Variants in EXOC4 observed in about 807,000 individuals in gnomAD.
The protein encoded by EXOC4 is SEC8-like 1.
Under a neutral mutation model 107.2 loss-of-function variants are expected in EXOC4, and 71 were observed. The observed-to-expected ratio is 0.66, with a 90% CI of 0.55 to 0.81. EXOC4 has a LOEUF of 0.81. EXOC4 is among the 30% of genes least tolerant of loss of function. EXOC4 has a pLI of 0.00. For missense variants in EXOC4, 1,108 were observed against 1,189.6 expected (o/e 0.93, Z 1.01); for synonymous variants, 456 against 441.2 (o/e 1.03, Z -0.42).
intron 10 of EXOC4, among the ~76,000 whole-genome samples, chr7:133,795,797 T>C (rs1454180065): frequency 2.0e-5 from 3 of 152,224 alleles, no homozygotes; most frequent in Non-Finnish European, 2.9e-5. Flanking sequence ...TGTAGTTTCT[T>C]AGAAGTAAAC....
At chr7:133,657,575 A>G (rs980191506) in intron 10 of EXOC4, among the ~76,000 whole-genome samples, 2 of 152,162 alleles carry the variant, frequency 1.3e-5, no homozygotes, top group East Asian at 1.9e-4. Flanking sequence ...TTGTACTGTT[A>G]TGTTAGAAAT....
intron 10 of EXOC4, among the ~76,000 whole-genome samples, chr7:133,681,680 G>C (rs764749713): frequency 3.3e-5 from 5 of 151,972 alleles, no homozygotes; most frequent in South Asian, 2.1e-4. Context: ...TTCAAGTTCA[G>C]ATTTGGGTGG....
intron 10 of EXOC4, among the ~76,000 whole-genome samples, chr7:133,677,133 T>G (rs1794080712): frequency 6.6e-6 from 1 of 152,118 alleles, no homozygotes; most frequent in Non-Finnish European, 1.5e-5. Flanking sequence ...AGAAAAAACT[T>G]AGTGGTTTAG....
chr7:133,816,747 A>G (rs898344777), intron 10 of EXOC4, among the ~76,000 whole-genome samples: 2 of 152,166 alleles, frequency 1.3e-5, no homozygotes, highest in East Asian at 1.9e-4. Context: ...GGAACATGCA[A>G]CCTAGATCCC....
intron 9 of EXOC4, among the ~76,000 whole-genome samples, chr7:133,530,147 C>T (rs1196699500): frequency 2.6e-5 from 4 of 152,080 alleles, no homozygotes; most frequent in African/African-American, 4.8e-5. Context: ...GCTACACTGC[C>T]GAGGAATGGC....
intron 10 of EXOC4, among the ~76,000 whole-genome samples, chr7:133,649,631 G>T (rs1803090580): frequency 6.6e-6 from 1 of 152,064 alleles, no homozygotes; most frequent in Non-Finnish European, 1.5e-5. Flanking sequence ...ACCACCTTCT[G>T]TGTCATTCCT....
rs576728850 is a variant in EXOC4 at position 133,871,262 on chromosome 7, A to C, written c.1735-24337A>C. Reference sequence around the variant, plus strand: ...TTCAGCAACATTTTTAAGTTCAGTGACATCTCGGTGGTAGCTTGAAACCAG... The same window carrying C: ...TTCAGCAACATTTTTAAGTTCAGTGCCATCTCGGTGGTAGCTTGAAACCAG... On this transcript the variant is annotated intron_variant, in intron 11 of 17. Transcript: ENST00000253861. 8.6e-5 allele frequency among the ~76,000 whole-genome samples: 13 copies of C among 151,518 alleles called. No individual in the cohort carries two copies. The East Asian group carries it at 2.5e-3, about 30-fold the overall frequency.
intron 9 of EXOC4, among the ~76,000 whole-genome samples, chr7:133,624,070 G>A (rs182702485): frequency 2.0e-5 from 3 of 152,242 alleles, no homozygotes; most frequent in African/African-American, 7.2e-5. Flanking sequence ...ATAATCCTTA[G>A]AAAGTAGTTA....
intron 9 of EXOC4, among the ~76,000 whole-genome samples, chr7:133,539,762 A>G (rs1800344200): frequency 6.6e-6 from 1 of 152,114 alleles, no homozygotes; most frequent in Non-Finnish European, 1.5e-5. Flanking sequence ...CTGTTTGAAG[A>G]TCCCATCATT....
chr7:133,457,163 A>G (rs1229230758), intron 7 of EXOC4, among the ~76,000 whole-genome samples: 1 of 152,216 alleles, frequency 6.6e-6, no homozygotes, highest in Non-Finnish European at 1.5e-5. Flanking sequence ...GGCTTTTCAG[A>G]ATAGTAGGAC....
Position 134,064,694 on chromosome 7 carries a change from T to C in EXOC4, c.*166T>C. 2.1e-6 allele frequency: 1 copy of C among 485,386 alleles called. No individual in the cohort carries two copies. The highest frequency in any genetic ancestry group is 3.6e-6 in the Non-Finnish European group (1 of 277,086). 30.1% of individuals were successfully genotyped at this position (485,386 alleles called of 1,614,324 possible). A position where few individuals can be genotyped will look rare whatever the true frequency, so the allele number is the denominator to read the frequency against. On this transcript the variant is annotated 3_prime_UTR_variant, in exon 18 of 18. Transcript: ENST00000253861. Reference sequence around the variant, plus strand: ...TGGTTTTGGCTTTTCATATAAATGCTAAAGGAAGGCGACAGTACAGAGTGT... The same window carrying C: ...TGGTTTTGGCTTTTCATATAAATGCCAAAGGAAGGCGACAGTACAGAGTGT...
intron 9 of EXOC4, among the ~76,000 whole-genome samples, chr7:133,596,061 T>G (rs766506500): frequency 6.6e-6 from 1 of 152,216 alleles, no homozygotes; most frequent in East Asian, 1.9e-4. Flanking sequence ...TATTCACATG[T>G]TTTCCGCTTC....
chr7:133,949,482 G>A (rs1261551665), intron 14 of EXOC4, among the ~76,000 whole-genome samples: 1 of 152,158 alleles, frequency 6.6e-6, no homozygotes, highest in Non-Finnish European at 1.5e-5. Flanking sequence ...TAGAAGCCAA[G>A]AATATCTGAT....
At chr7:133,732,904 G>T in intron 10 of EXOC4, 1 of 158,954 alleles carries the variant, frequency 6.3e-6, no homozygotes, top group South Asian at 1.7e-4. Context: ...CAGTAGTCTT[G>T]ACATCAACAT....
chr7:133,714,669 A>G (rs1394430501), intron 10 of EXOC4, among the ~76,000 whole-genome samples: 2 of 152,234 alleles, frequency 1.3e-5, no homozygotes, highest in African/African-American at 4.8e-5. Context: ...TTTACATTGT[A>G]TTAGGTATTG....
the EXOC4 span, among the ~76,000 whole-genome samples, chr7:134,088,716 G>A: frequency 3.2e-4 from 48 of 152,094 alleles, no homozygotes; most frequent in Non-Finnish European, 5.6e-4. Flanking sequence ...CTTTTGAAGA[G>A]GATTGAAACA....
intron 10 of EXOC4, among the ~76,000 whole-genome samples, chr7:133,805,984 A>G (rs1340531301): frequency 6.6e-6 from 1 of 152,274 alleles, no homozygotes; most frequent in Non-Finnish European, 1.5e-5. Flanking sequence ...ATGGAGGCAC[A>G]GGAATGTCTG....
intron 7 of EXOC4, among the ~76,000 whole-genome samples, chr7:133,473,118 C>A (rs572582336): frequency 1.3e-5 from 2 of 152,088 alleles, no homozygotes; most frequent in South Asian, 4.1e-4. Flanking sequence ...TCTGGTTTAC[C>A]AGTCTTTTTT....
chr7:133,815,558 A>C (rs1003595200), intron 10 of EXOC4, among the ~76,000 whole-genome samples: 1 of 152,180 alleles, frequency 6.6e-6, no homozygotes, highest in Non-Finnish European at 1.5e-5. Flanking sequence ...CCGCTGTCTT[A>C]TATGCTTTGC....
Sources: allele counts gnomAD v4.1 joint callset (sites outside exome capture counted in the v4.1 genomes callset), GRCh38; gene constraint gnomAD v4.1.1; transcripts MANE v1.5; gene names NCBI Gene and HGNC (gene_info 2026-07-23, HGNC 2026-07-21).